Variants in NDUFA5 observed in about 807,000 individuals in gnomAD.
NDUFA5 encodes NADH dehydrogenase [ubiquinone] 1 alpha subcomplex subunit 5.
In NDUFA5, 11 loss-of-function variants were observed where a neutral mutation model predicts 19.8. The observed-to-expected ratio is 0.56, with a 90% CI of 0.35 to 0.92. NDUFA5 has a LOEUF of 0.92. Ranked by LOEUF, NDUFA5 falls within the 40% of genes least tolerant of loss-of-function variation. The pLI is 0.01. For missense variants in NDUFA5, 109 were observed against 134.2 expected, an observed-to-expected ratio of 0.81 and a Z score of 0.93; for synonymous variants, 47 against 46.8, an observed-to-expected ratio of 1.00 and a Z score of -0.01.
the NDUFA5 span, among the ~76,000 whole-genome samples, chr7:123,582,230 G>C: frequency 6.6e-6 from 1 of 151,874 alleles, no homozygotes; most frequent in African/African-American, 2.4e-5. Context: ...AGTATGTGAA[G>C]GTAACGTCCC....
At chr7:123,560,618 G>C (rs1016143715), upstream of NDUFA5, among the ~76,000 whole-genome samples, 6 of 152,176 alleles carry the variant, frequency 3.9e-5, no homozygotes, top group African/African-American at 1.4e-4. Flanking sequence ...CAGCAAGACA[G>C]ATTTCATTCT....
rs1562896117 is a variant in NDUFA5 at position 123,550,531 on chromosome 7, T to C, written c.122A>G (p.Asn41Ser). 6.2e-7 allele frequency: 1 copy of C among 1,611,392 alleles called. No homozygotes were observed. The highest frequency in any genetic ancestry group is 8.5e-7 in the Non-Finnish European group (1 of 1,178,560). Residue 41 changes from asparagine (N) to serine (S), a missense_variant, in exon 3 of 5, where the codon AAT (asparagine) becomes AGT (serine). By Grantham distance (46) the Asn-to-Ser change is conservative. Coordinates refer to ENST00000355749, the MANE Select transcript of NDUFA5 (RefSeq NM_005000.5). ...TTCTGTATACTTTCTATATGCTGCA[T>C]TTTTAGGGATTTCCTCAAGAACATC... ...ILDVLEEIPK[N>S]AAYRKYTEQI...
At chr7:123,586,539 C>A in the NDUFA5 span, among the ~76,000 whole-genome samples, 1 of 151,652 alleles carries the variant, frequency 6.6e-6, no homozygotes, top group Non-Finnish European at 1.5e-5. Flanking sequence ...CTTTGCTGTG[C>A]AGAAACTTTT....
chr7:123,554,025 A>AT (rs1488297714), intron 2 of NDUFA5, among the ~76,000 whole-genome samples: 4 of 152,212 alleles, frequency 2.6e-5, no homozygotes, highest in African/African-American at 9.6e-5. Flanking sequence ...TACAGCAAAC[A>AT]TAAGGAAGTG....
At chr7:123,597,917 CGTGTGTGTGTGT>C in the NDUFA5 span, among the ~76,000 whole-genome samples, 48 of 133,070 alleles carry the variant, frequency 3.6e-4, 1 homozygote, top group Admixed American at 2.6e-3. Flanking sequence ...TTTCAAACTT[CGTGTGTGTGTGT>C]GTGTGTGTGT....
the NDUFA5 span, among the ~76,000 whole-genome samples, chr7:123,589,728 C>T: frequency 1.3e-5 from 2 of 152,094 alleles, no homozygotes; most frequent in Non-Finnish European, 2.9e-5. Context: ...TATTGATGGA[C>T]ATTTGGGTTG....
chr7:123,544,379 T>C (rs1798047552), intron 4 of NDUFA5, among the ~76,000 whole-genome samples: 1 of 151,446 alleles, frequency 6.6e-6, no homozygotes, highest in Non-Finnish European at 1.5e-5. Flanking sequence ...ATGCCTGTAA[T>C]CCTAGCTACT....
At chr7:123,563,374 T>C in the NDUFA5 span, among the ~76,000 whole-genome samples, 393 of 152,258 alleles carry the variant, frequency 2.6e-3, no homozygotes, top group African/African-American at 8.5e-3. Context: ...TCTCAGGGAA[T>C]AGGAAGGCTA....
At chr7:123,586,558 A>G in the NDUFA5 span, among the ~76,000 whole-genome samples, 8 of 151,106 alleles carry the variant, frequency 5.3e-5, no homozygotes, top group Non-Finnish European at 8.9e-5. Context: ...TTAAAATTTG[A>G]TTTGCTTGTA....
Position 123,540,582 on chromosome 7 carries a change from T to C in NDUFA5, c.*1537A>G, listed in dbSNP as rs550079079. On this transcript the variant is annotated 3_prime_UTR_variant, in exon 5 of 5. Coordinates refer to ENST00000355749, the MANE Select transcript of NDUFA5 (RefSeq NM_005000.5). ...AAATGTTTAGAACTGAAAATGTTGT[T>C]ATAAATCATATTCTATTTCTTTTGC... The C allele has an allele frequency of 3.5e-4, 54 of 152,248 alleles. No individual in the cohort carries two copies. The highest frequency in any genetic ancestry group is 1.3e-3 in the African/African-American group (53 of 41,552). The allele number at this position is 152,248 out of a possible 1,614,324, so 9.4% of individuals were successfully genotyped here.
chr7:123,572,197 A>G, the NDUFA5 span, among the ~76,000 whole-genome samples: 1 of 119,008 alleles, frequency 8.4e-6, no homozygotes, highest in South Asian at 2.9e-4. Context: ...GCTGGAGTGC[A>G]GTGACGCGAT....
rs571919016 is a variant in NDUFA5, at chr7:123,538,724, C to T, written c.*3395G>A. 2 of 152,258 alleles carry T rather than the reference C, an allele frequency of 1.3e-5. No homozygotes were observed. Among genetic ancestry groups the T allele is most frequent in the South Asian group, 4.2e-4 (2 of 4,818 alleles). 9.4% of individuals were successfully genotyped at this position (152,258 alleles called of 1,614,324 possible). ...TTAGTTTTAATGGGAAGACTGCACT[C>T]AGCAAATCCAAAATACTAGTGATAT... On this transcript the variant is annotated 3_prime_UTR_variant, in exon 5 of 5. Transcript: ENST00000355749.
In NDUFA5 at chr7:123,540,791, T is replaced by C. The variant is rs1486751650; in HGVS notation, c.*1328A>G. ...AAGAATCCACCTTATTTAATATTTATTTAGTATTCATGTTACAGCTCTATG... is the reference window on the plus strand; with the variant it reads ...AAGAATCCACCTTATTTAATATTTACTTAGTATTCATGTTACAGCTCTATG... On this transcript the variant is annotated 3_prime_UTR_variant, in exon 5 of 5. Transcript: ENST00000355749. 1.3e-5 allele frequency: 2 copies of C among 152,028 alleles called. No homozygotes were observed. Among genetic ancestry groups the C allele is most frequent in the East Asian group, 1.9e-4 (1 of 5,190 alleles). The allele number at this position is 152,028 out of a possible 1,614,324, so 9.4% of individuals were successfully genotyped here.
the NDUFA5 span, among the ~76,000 whole-genome samples, chr7:123,578,588 C>T: frequency 6.6e-6 from 1 of 152,074 alleles, no homozygotes; most frequent in South Asian, 2.1e-4. Flanking sequence ...TGATATTTTT[C>T]CTTATTATGG....
chr7:123,595,127 T>A, the NDUFA5 span, among the ~76,000 whole-genome samples: 1 of 152,178 alleles, frequency 6.6e-6, no homozygotes, highest in African/African-American at 2.4e-5. Context: ...ATGGGAGGCC[T>A]AAATGACACT....
chr7:123,580,304 G>T, the NDUFA5 span, among the ~76,000 whole-genome samples: 12 of 152,122 alleles, frequency 7.9e-5, no homozygotes, highest in South Asian at 1.9e-3. Flanking sequence ...CTGTTGCACT[G>T]CTTTTTACAT....
At chr7:123,564,578 T>C in the NDUFA5 span, among the ~76,000 whole-genome samples, 1 of 152,048 alleles carries the variant, frequency 6.6e-6, no homozygotes, top group African/African-American at 2.4e-5. Context: ...ATATATAAAA[T>C]ACCCCTATAT....
At chr7:123,555,176 G>A (rs1370036809) in intron 2 of NDUFA5, 2 of 152,340 alleles carry the variant, frequency 1.3e-5, no homozygotes, top group East Asian at 3.9e-4. Flanking sequence ...CACATTATAA[G>A]TGGTTCTGCA....
Position 123,545,683 on chromosome 7 carries a change from T to G in NDUFA5, c.184-7A>C, listed in dbSNP as rs763879171. 2.5e-6 allele frequency: 4 copies of G among 1,598,156 alleles called. No homozygotes were observed. In the East Asian group the frequency reaches 9.0e-5, roughly 36 times the overall value. On this transcript the variant is annotated splice_region_variant and splice_polypyrimidine_tract_variant and intron_variant, in intron 3 of 4. Coordinates refer to ENST00000355749, the MANE Select transcript of NDUFA5 (RefSeq NM_005000.5). ...ATTTTTTAACATCTGGTTCCTATAA[T>G]TTCAGGGAGAAAAAAAATTAAAGAA...
Sources: allele counts gnomAD v4.1 joint callset (sites outside exome capture counted in the v4.1 genomes callset), GRCh38; gene constraint gnomAD v4.1.1; transcripts MANE v1.5; gene names NCBI Gene and HGNC (gene_info 2026-07-23, HGNC 2026-07-21).